Variants in FARP1 observed in about 807,000 individuals in gnomAD.
The protein encoded by FARP1 is FERM, ARH/RhoGEF and pleckstrin domain protein 1, also known as FERM, ARHGEF and pleckstrin domain-containing protein 1.
Under a neutral mutation model 128.8 loss-of-function variants are expected in FARP1, and 52 were observed. The observed-to-expected ratio is 0.40, with a 90% CI of 0.32 to 0.51. FARP1 has a LOEUF of 0.51. Among genes scored for constraint, FARP1 ranks in the 20% least tolerant of loss-of-function variants. FARP1 has a pLI of 0.45. For missense variants in FARP1, 1,333 were observed against 1,367.9 expected, an observed-to-expected ratio of 0.97 and a Z score of 0.40; for synonymous variants, 580 against 551.8, an observed-to-expected ratio of 1.05 and a Z score of -0.72.
rs574909886 is a variant in FARP1, at chr13:98,217,521, C to G, written c.171+4108C>G. The stretch of plus-strand genomic sequence containing the variant: ...CTGTCTTGTCACTGCTGTACTCGAG[C>G]TTTTGTAGCTCCTGAGACTTAAGTA... On this transcript the variant is annotated intron_variant, in intron 2 of 26. Coordinates refer to ENST00000319562, the MANE Select transcript of FARP1 (RefSeq NM_005766.4). 7.9e-5 allele frequency among the ~76,000 whole-genome samples: 12 copies of G among 152,314 alleles called. No individual in the cohort carries two copies. The South Asian group carries it at 2.3e-3, about 29-fold the overall frequency.
intron 2 of FARP1, among the ~76,000 whole-genome samples, chr13:98,342,297 T>G (rs568511884): frequency 6.6e-6 from 1 of 152,364 alleles, no homozygotes; most frequent in African/African-American, 2.4e-5. Flanking sequence ...CAGAAATATT[T>G]ATAACACCTG....
chr13:98,429,879 A>G (rs376058335), intron 17 of FARP1, among the ~76,000 whole-genome samples: 2 of 152,200 alleles, frequency 1.3e-5, no homozygotes, highest in South Asian at 4.1e-4. Context: ...AAAACCTTTC[A>G]TCATTTTGTG....
intron 2 of FARP1, among the ~76,000 whole-genome samples, chr13:98,263,763 A>G (rs1238969786): frequency 6.6e-6 from 1 of 152,184 alleles, no homozygotes; most frequent in Non-Finnish European, 1.5e-5. Context: ...ATTAAATGAT[A>G]TTTATCTTAG....
intron 2 of FARP1, among the ~76,000 whole-genome samples, chr13:98,285,591 AATC>A (rs1170920700): frequency 4.6e-5 from 7 of 152,212 alleles, no homozygotes; most frequent in African/African-American, 1.7e-4. Flanking sequence ...TAATGAAAAG[AATC>A]ATCATCAGCC....
intron 16 of FARP1, among the ~76,000 whole-genome samples, chr13:98,423,584 TG>T (rs1891672285): frequency 6.6e-6 from 1 of 152,216 alleles, no homozygotes; most frequent in African/African-American, 2.4e-5. Context: ...AGCTATGCAC[TG>T]GCACAACGGT....
At chr13:98,323,218 G>A (rs1180425925) in intron 2 of FARP1, among the ~76,000 whole-genome samples, 1 of 152,112 alleles carries the variant, frequency 6.6e-6, no homozygotes, top group African/African-American at 2.4e-5. Flanking sequence ...TTTTGGTTGT[G>A]AGTTAGGAGC....
chr13:98,411,671 A>T (rs1265869136), intron 15 of FARP1, among the ~76,000 whole-genome samples: 1 of 152,222 alleles, frequency 6.6e-6, no homozygotes, highest in Non-Finnish European at 1.5e-5. Flanking sequence ...GTCAATGGGT[A>T]GCAAACTGCA....
chr13:98,145,476 C>A (rs1875462073), intron 1 of FARP1, among the ~76,000 whole-genome samples: 1 of 152,214 alleles, frequency 6.6e-6, no homozygotes, highest in Admixed American at 6.5e-5. Flanking sequence ...AAATAATTAT[C>A]CTGGACAAGT....
intron 2 of FARP1, among the ~76,000 whole-genome samples, chr13:98,302,580 C>T (rs888715221): frequency 6.6e-6 from 1 of 152,128 alleles, no homozygotes; most frequent in South Asian, 2.1e-4. Flanking sequence ...AAGGTCTGGG[C>T]ATTTGAGGAA....
At chr13:98,303,478 G>T (rs144965569) in intron 2 of FARP1, among the ~76,000 whole-genome samples, 5 of 152,294 alleles carry the variant, frequency 3.3e-5, no homozygotes, top group South Asian at 2.1e-4. Context: ...CCTACAAAAA[G>T]ATTTATATGA....
At position 98,448,124 on chromosome 13, in the gene FARP1, A is replaced by G. The variant is rs1892970604; in HGVS notation, c.3057-112A>G. The G allele has an allele frequency of 3.4e-6, 3 of 877,026 alleles. No homozygotes were observed. In the East Asian group the frequency reaches 7.4e-5, roughly 22 times the overall value. 54.3% of individuals were successfully genotyped at this position (877,026 alleles called of 1,614,324 possible). A position where few individuals can be genotyped will look rare whatever the true frequency, so the allele number is the denominator to read the frequency against. ...CCTTGCTCTTCTGCTGAAGTGGCAG[A>G]TTACCAACCAGGCGGCCTGACTTCA... is the stretch of plus-strand genomic sequence containing the variant. On this transcript the variant is annotated intron_variant, in intron 26 of 26. Transcript: ENST00000319562.
At chr13:98,307,081 G>A (rs772831049) in intron 2 of FARP1, among the ~76,000 whole-genome samples, 2 of 152,210 alleles carry the variant, frequency 1.3e-5, no homozygotes, top group Non-Finnish European at 2.9e-5. Context: ...ACAAATGACA[G>A]GACAGAGATG....
At chr13:98,346,351 G>C (rs1247716998) in intron 3 of FARP1, among the ~76,000 whole-genome samples, 2 of 151,416 alleles carry the variant, frequency 1.3e-5, no homozygotes, top group African/African-American at 4.8e-5. Context: ...CATCACGCCC[G>C]GCTAATTTTT....
chr13:98,308,998 A>G (rs1291002804), intron 2 of FARP1, among the ~76,000 whole-genome samples: 3 of 151,964 alleles, frequency 2.0e-5, no homozygotes, highest in Non-Finnish European at 2.9e-5. Flanking sequence ...ATAATTTTAT[A>G]TTATAAAATA....
intron 1 of FARP1, among the ~76,000 whole-genome samples, chr13:98,184,676 G>GT (rs201890384): frequency 0.013 from 1,906 of 152,270 alleles, 35 homozygotes; most frequent in African/African-American, 0.044. Flanking sequence ...TGGTGATGGT[G>GT]TATAGCAGTG....
intron 2 of FARP1, among the ~76,000 whole-genome samples, chr13:98,275,931 T>C (rs1279449008): frequency 6.6e-6 from 1 of 152,188 alleles, no homozygotes; most frequent in Non-Finnish European, 1.5e-5. Flanking sequence ...ACTGGAAAAA[T>C]TATGATCTGT....
At chr13:98,304,519 G>A (rs1473296558) in intron 2 of FARP1, among the ~76,000 whole-genome samples, 1 of 152,190 alleles carries the variant, frequency 6.6e-6, no homozygotes, top group Non-Finnish European at 1.5e-5. Flanking sequence ...ACTCTAGGCT[G>A]GTGGAGAAGA....
At chr13:98,429,267 G>C (rs897003229) in intron 17 of FARP1, among the ~76,000 whole-genome samples, 1 of 152,220 alleles carries the variant, frequency 6.6e-6, no homozygotes, top group Non-Finnish European at 1.5e-5. Context: ...CTCAGCAGGG[G>C]TCACTGTGTG....
intron 1 of FARP1, among the ~76,000 whole-genome samples, chr13:98,178,189 A>ATTTT (rs57310501): frequency 8.9e-6 from 1 of 112,990 alleles, no homozygotes; most frequent in African/African-American, 3.3e-5. Context: ...ATCATTTTTA[A>ATTTT]TTTTTTTTTT....
Sources: gnomAD v4.1 joint callset for allele counts (sites outside exome capture counted in the v4.1 genomes callset) on GRCh38, gnomAD v4.1.1 for gene constraint, MANE v1.5 for transcripts, NCBI Gene and HGNC (gene_info 2026-07-23, HGNC 2026-07-21) for gene names.